PAPLN: variants seen among roughly 807,000 people sequenced by gnomAD.
PAPLN encodes the protein papilin.
PAPLN carries 146 observed loss-of-function variants against 159.0 expected under a neutral mutation model. The ratio of observed to expected loss-of-function variants is 0.92; its 90% confidence interval spans 0.80 to 1.05. PAPLN has a LOEUF of 1.05. Among genes scored for constraint, PAPLN ranks in the 50% least tolerant of loss-of-function variants. The probability of loss-of-function intolerance (pLI) is 0.00; values close to 1 mark genes in which losing one functional copy is unlikely to be tolerated. For missense variants in PAPLN, 1,720 were observed against 1,743.9 expected (o/e 0.99, Z 0.24); for synonymous variants, 734 against 702.9 (o/e 1.04, Z -0.70).
rs1278159909 is a variant in PAPLN at position 73,259,553 on chromosome 14, C to T, written c.1985+8C>T. 3 of 1,526,026 alleles carry T rather than the reference C, an allele frequency of 2.0e-6. No individual in the cohort carries two copies. Among genetic ancestry groups the T allele is most frequent in the Non-Finnish European group, 2.6e-6 (3 of 1,135,416 alleles). The allele number at this position is 1,526,026 out of a possible 1,614,324, so 94.5% of individuals were successfully genotyped here. A position where few individuals can be genotyped will look rare whatever the true frequency, so the allele number is the denominator to read the frequency against. ...CCCCTGTCAGCAGAGCAGGTGGGTG[C>T]TGGAGACAGGTCTTCCTCCTCCCCC... On this transcript the variant is annotated splice_region_variant and intron_variant, in intron 16 of 26. Transcript: ENST00000644200.
chr14:73,245,934 GGGGGGC>G lies in PAPLN; in HGVS notation c.232-136_232-131del. On this transcript the variant is annotated intron_variant, in intron 4 of 26. Transcript: ENST00000644200. This position sits in a 1 kb window ranked among gnomAD's most constrained non-coding sequence, Gnocchi z 4.2. The stretch of plus-strand genomic sequence containing the variant: ...GGCACGCACAGGAGTTCGGGGGTCC[GGGGGGC>G]GGACTCCACCTCCGGCGGCTCCGAT... 1.0e-6 allele frequency: 1 copy of G among 958,202 alleles called. No individual in the cohort carries two copies. Among genetic ancestry groups the G allele is most frequent in the Non-Finnish European group, 1.5e-6 (1 of 668,650 alleles). 59.4% of individuals were successfully genotyped at this position (958,202 alleles called of 1,614,324 possible). A position where few individuals can be genotyped will look rare whatever the true frequency, so the allele number is the denominator to read the frequency against.
chr14:73,243,362 T>TG (rs1294616367), intron 2 of PAPLN: 26 of 152,332 alleles, frequency 1.7e-4, no homozygotes, highest in African/African-American at 6.3e-4. Context: ...GAGTCTTAAG[T>TG]GGTGATACCC....
intron 5 of PAPLN, among the ~76,000 whole-genome samples, chr14:73,247,711 A>G (rs1884609882): frequency 7.7e-6 from 1 of 130,410 alleles, no homozygotes; most frequent in East Asian, 2.2e-4. Flanking sequence ...GGCATGGCCC[A>G]GTGGGAGTCT....
chr14:73,263,269 G>T, intron 19 of PAPLN: 1 of 360,796 alleles, frequency 2.8e-6, no homozygotes, highest in Non-Finnish European at 5.0e-6. Flanking sequence ...TATTAATGAA[G>T]GATTTGGGAA....
chr14:73,270,636 T>G (rs1254551098), intron 26 of PAPLN, among the ~76,000 whole-genome samples: 1 of 152,208 alleles, frequency 6.6e-6, no homozygotes, highest in African/African-American at 2.4e-5. Flanking sequence ...AAATGCAGAT[T>G]CACAGTGAGA....
intron 1 of PAPLN, among the ~76,000 whole-genome samples, chr14:73,239,116 A>ACACTG (rs1311390928): frequency 6.6e-6 from 1 of 152,026 alleles, no homozygotes; most frequent in Non-Finnish European, 1.5e-5. Flanking sequence ...CACTCCACAC[A>ACACTG]CACTGCACTG....
rs757852624 is a variant in PAPLN at position 73,264,332 on chromosome 14, A to G, written c.2983A>G (p.Ile995Val). 10 of 1,613,232 alleles carry G rather than the reference A, an allele frequency of 6.2e-6. No individual in the cohort carries two copies. In the Admixed American group the frequency reaches 1.5e-4, roughly 24 times the overall value. Residue 995 changes from isoleucine (I) to valine (V), a missense_variant, in exon 21 of 27, where the codon ATA becomes GTA. Ile to Val is a conservative substitution (Grantham distance 29). Coordinates refer to ENST00000644200, the MANE Select transcript of PAPLN (RefSeq NM_001365906.3). ...RDSQKIQLRI[I>V]GGDMAVLSEA... is the part of the protein sequence containing the mutation. The stretch of plus-strand genomic sequence containing the variant: ...CTCCCAGAAGATCCAACTTCGCATC[A>G]TAGGTCTCTGTCCCCACCCCATCCA...
At chr14:73,244,245 A>T in intron 2 of PAPLN, 1 of 168,718 alleles carries the variant, frequency 5.9e-6, no homozygotes, top group Non-Finnish European at 1.3e-5. Flanking sequence ...TCTCGGCCAG[A>T]TTAGCAGGAT....
chr14:73,258,959 G>C lies in PAPLN; in HGVS notation c.1628-20G>C. ...TCTTCCTCCCTCTCCGTCCCACATG[G>C]ACCTCCCGGCTCCCTGCAGAGGTCC... On this transcript the variant is annotated intron_variant, in intron 14 of 26. Transcript: ENST00000644200. The C allele has an allele frequency of 6.3e-7, 1 of 1,598,224 alleles. No individual in the cohort carries two copies. The highest frequency in any genetic ancestry group is 8.5e-7 in the Non-Finnish European group (1 of 1,172,076).
Position 73,262,739 on chromosome 14 carries a change from C to T in PAPLN, c.2635C>T (p.Pro879Ser), listed in dbSNP as rs377088638. 1.9e-5 allele frequency: 28 copies of T among 1,512,232 alleles called. No individual in the cohort carries two copies. In the African/African-American group the frequency reaches 2.2e-4, roughly 12 times the overall value. The allele number at this position is 1,512,232 out of a possible 1,614,324, so 93.7% of individuals were successfully genotyped here. Residue 879 changes from proline (P) to serine (S), a missense_variant, in exon 19 of 27, where the codon CCA becomes TCA. Physicochemically the swap from Pro to Ser is moderately conservative, Grantham distance 74. Coordinates refer to ENST00000644200, the MANE Select transcript of PAPLN (RefSeq NM_001365906.3). The stretch of plus-strand genomic sequence containing the variant: ...CCACACCCAGGCCTTTGGAGAATGG[C>T]CATGGGGGCAGGAGCTTGGGTCCAG... Reference protein sequence around the residue: ...APHTQAFGEWPWGQELGSRAP... With the variant: ...APHTQAFGEWSWGQELGSRAP...
chr14:73,255,907 C>G (rs1885855007), intron 14 of PAPLN, among the ~76,000 whole-genome samples: 1 of 152,240 alleles, frequency 6.6e-6, no homozygotes, highest in Non-Finnish European at 1.5e-5. Context: ...CTCTCTGATT[C>G]TCAGTTTGCC....
At chr14:73,270,617 G>A (rs752813078) in intron 26 of PAPLN, among the ~76,000 whole-genome samples, 1 of 152,238 alleles carries the variant, frequency 6.6e-6, no homozygotes, top group Non-Finnish European at 1.5e-5. Context: ...AAGGCTGTGT[G>A]ACAAAGCAAA....
rs1255369681 is a variant in PAPLN at position 73,265,442 on chromosome 14, TGCCGAAG to T, written c.3201_3207del (p.Glu1068SerfsTer35). The T allele has an allele frequency of 6.2e-7, 1 of 1,613,350 alleles. No homozygotes were observed. Among genetic ancestry groups the T allele is most frequent in the Admixed American group, 1.7e-5 (1 of 60,000 alleles). The stretch of plus-strand genomic sequence containing the variant: ...GCCAGCGGATCCGGATGACCTGCCG[TGCCGAAG>T]GCTTCCCGCCCCCAGCCATCGAGTG... On this transcript the variant is annotated frameshift_variant, in exon 23 of 27. Coordinates refer to ENST00000644200, the MANE Select transcript of PAPLN (RefSeq NM_001365906.3). LOFTEE classifies it high-confidence loss of function. The surrounding 1 kb of genome is among the most constrained non-coding windows in gnomAD (Gnocchi z 4.1).
At chr14:73,250,298 A>G (rs992271455) in intron 6 of PAPLN, among the ~76,000 whole-genome samples, 184 bp downstream of exon 6, 1 of 152,174 alleles carries the variant, frequency 6.6e-6, no homozygotes, top group African/African-American at 2.4e-5. Flanking sequence ...ATGGCCCCTC[A>G]CCTTCATCCT....
At position 73,259,375 on chromosome 14, in the gene PAPLN, C is replaced by G; in HGVS notation, c.1815C>G (p.Ala605=). The change falls in exon 16 of 27, where the codon GCC becomes GCG. Residue 605 remains alanine, a synonymous_variant. Transcript: ENST00000644200. ...GCGACCAAGGCACCCACCTGTCAGC[C>G]CTGGGCCCCGCTCCCTCTCTGCAGC... ...PRGDQGTHLS[A]LGPAPSLQQP... 6.2e-7 allele frequency: 1 copy of G among 1,612,580 alleles called. No individual in the cohort carries two copies. Among genetic ancestry groups the G allele is most frequent in the Non-Finnish European group, 8.5e-7 (1 of 1,179,372 alleles).
At position 73,265,714 on chromosome 14, in the gene PAPLN, A is replaced by G. The variant is rs1474331452; in HGVS notation, c.3263+207A>G. 6.6e-6 allele frequency among the ~76,000 whole-genome samples: 1 copy of G among 152,196 alleles called. No individual in the cohort carries two copies. Among genetic ancestry groups the G allele is most frequent in the Non-Finnish European group, 1.5e-5 (1 of 68,026 alleles). Reference sequence around the variant, plus strand: ...CTCTGGGCCTTTCCAGAATGTGGTTAGTGGACAGAAATAAGAGGCCAGCTA... The same window carrying G: ...CTCTGGGCCTTTCCAGAATGTGGTTGGTGGACAGAAATAAGAGGCCAGCTA... On this transcript the variant is annotated intron_variant, in intron 23 of 26. Transcript: ENST00000644200. The surrounding 1 kb of genome is among the most constrained non-coding windows in gnomAD (Gnocchi z 4.1).
Position 73,245,928 on chromosome 14 carries a change from G to C in PAPLN, c.232-145G>C, listed in dbSNP as rs955436968. 1.1e-5 allele frequency: 10 copies of C among 931,988 alleles called. No homozygotes were observed. Among genetic ancestry groups the C allele is most frequent in the Non-Finnish European group, 1.6e-5 (10 of 643,816 alleles). The allele number at this position is 931,988 out of a possible 1,614,324, so 57.7% of individuals were successfully genotyped here. On this transcript the variant is annotated intron_variant, in intron 4 of 26. Transcript: ENST00000644200. This position sits in a 1 kb window ranked among gnomAD's most constrained non-coding sequence, Gnocchi z 4.2. ...TGGAGGGGCACGCACAGGAGTTCGG[G>C]GGTCCGGGGGGCGGACTCCACCTCC...
Position 73,264,694 on chromosome 14 carries a change from C to T in PAPLN, c.3093C>T (p.Ala1031=), listed in dbSNP as rs964285924. Residue 1031 remains alanine (A), a synonymous_variant, in exon 22 of 27, where the codon GCC becomes GCT. Coordinates refer to ENST00000644200, the MANE Select transcript of PAPLN (RefSeq NM_001365906.3). ...GQAGAAGPLG[A]IPSSHPQPAN... ...CGGGGGCTGCTGGGCCCCTGGGGGC[C>T]ATCCCCTCTTCACACCCACAGCCTG... 7 of 1,612,564 alleles carry T rather than the reference C, an allele frequency of 4.3e-6. No individual in the cohort carries two copies. Among genetic ancestry groups the T allele is most frequent in the Non-Finnish European group, 5.9e-6 (7 of 1,179,692 alleles).
At chr14:73,264,529 C>T (rs1490557313) in intron 21 of PAPLN, 59 bp from the exon 22 acceptor site, 14 of 1,554,548 alleles carry the variant, frequency 9.0e-6, no homozygotes, top group Non-Finnish European at 1.1e-5. Flanking sequence ...ATGGCCCGCC[C>T]TTCCTTCCAC....
Sources: allele counts gnomAD v4.1 joint callset (sites outside exome capture counted in the v4.1 genomes callset), GRCh38; gene constraint gnomAD v4.1.1; non-coding constraint Gnocchi (gnomAD v3.1); transcripts MANE v1.5; gene names NCBI Gene and HGNC (gene_info 2026-07-23, HGNC 2026-07-21).